The following ERBB4 variants were observed in gnomAD, a reference collection of about 807,000 sequenced individuals.
ERBB4 encodes receptor tyrosine-protein kinase erbB-4.
A neutral mutation model predicts 158.0 loss-of-function variants in ERBB4; 42 were observed. The observed-to-expected ratio is 0.27, with a 90% CI of 0.21 to 0.34. ERBB4 has a LOEUF of 0.34. Among genes scored for constraint, ERBB4 ranks in the 10% least tolerant of loss-of-function variants. The pLI, the probability that ERBB4 is intolerant of heterozygous loss-of-function variation, is 1.00. For missense variants in ERBB4, 1,333 were observed against 1,624.1 expected (o/e 0.82, Z 3.08); for synonymous variants, 583 against 558.7 (o/e 1.04, Z -0.61).
intron 5 of ERBB4, among the ~76,000 whole-genome samples, chr2:211,734,341 G>A (rs1327722675): frequency 1.3e-5 from 2 of 152,042 alleles, no homozygotes; most frequent in African/African-American, 4.8e-5. Context: ...TGAGGGTGAA[G>A]AATTGGGCAA....
chr2:212,139,368 T>G (rs1214917285), intron 1 of ERBB4, among the ~76,000 whole-genome samples: 1 of 152,092 alleles, frequency 6.6e-6, no homozygotes, highest in Non-Finnish European at 1.5e-5. Context: ...TGCATTTTTA[T>G]GCTACAGTGT....
chr2:211,669,620 G>T (rs970508288), intron 14 of ERBB4, among the ~76,000 whole-genome samples: 2 of 152,148 alleles, frequency 1.3e-5, no homozygotes, highest in Non-Finnish European at 2.9e-5. Flanking sequence ...GGACAGACAA[G>T]GACATAAGCG....
At chr2:211,683,561 A>AATT (rs1303644736) in intron 12 of ERBB4, among the ~76,000 whole-genome samples, 1 of 152,098 alleles carries the variant, frequency 6.6e-6, no homozygotes, top group Non-Finnish European at 1.5e-5. Flanking sequence ...GGGTTACTAC[A>AATT]ATTTGTTTAT....
At chr2:211,779,590 T>C (rs2075983965) in intron 4 of ERBB4, 1 of 152,220 alleles carries the variant, frequency 6.6e-6, no homozygotes, top group African/African-American at 2.4e-5. Flanking sequence ...TATTATCTTA[T>C]CCATATGGTC....
At chr2:211,724,709 A>G (rs1161200514) in intron 6 of ERBB4, among the ~76,000 whole-genome samples, 1 of 152,228 alleles carries the variant, frequency 6.6e-6, no homozygotes, top group Non-Finnish European at 1.5e-5. Context: ...TGAAATTTAT[A>G]TTCAAGAAAT....
At chr2:211,565,195 A>G (rs1018566149) in intron 19 of ERBB4, among the ~76,000 whole-genome samples, 1 of 152,192 alleles carries the variant, frequency 6.6e-6, no homozygotes, top group African/African-American at 2.4e-5. Context: ...TAAACAGAAA[A>G]TCATACTTAC....
intron 1 of ERBB4, among the ~76,000 whole-genome samples, chr2:212,351,091 G>C (rs1161630881): frequency 1.3e-5 from 2 of 152,084 alleles, no homozygotes; most frequent in African/African-American, 4.8e-5. Context: ...GATTCTACTT[G>C]GAGTATGTAC....
chr2:211,482,116 C>T (rs2065097369), intron 20 of ERBB4, among the ~76,000 whole-genome samples: 1 of 152,142 alleles, frequency 6.6e-6, no homozygotes, highest in Admixed American at 6.5e-5. Flanking sequence ...GCAACAGAGA[C>T]ATAGAATAGG....
chr2:211,998,700 C>A (rs1035549910), intron 2 of ERBB4, among the ~76,000 whole-genome samples: 1 of 151,800 alleles, frequency 6.6e-6, no homozygotes, highest in Admixed American at 6.6e-5. Context: ...ATGTCAATGG[C>A]CAACCTCATA....
intron 3 of ERBB4, among the ~76,000 whole-genome samples, chr2:211,845,305 C>G (rs1276471715): frequency 6.6e-6 from 1 of 151,392 alleles, no homozygotes; most frequent in East Asian, 2.0e-4. Flanking sequence ...AAAAGCTGTT[C>G]CCTGGGTTAT....
chr2:211,691,216 C>T (rs2072802148), intron 12 of ERBB4, among the ~76,000 whole-genome samples: 1 of 152,044 alleles, frequency 6.6e-6, no homozygotes, highest in African/African-American at 2.4e-5. Context: ...TGTAATTACC[C>T]AGGTAGCCTT....
chr2:211,867,710 G>A (rs1194859067), intron 3 of ERBB4, among the ~76,000 whole-genome samples: 4 of 152,054 alleles, frequency 2.6e-5, no homozygotes, highest in African/African-American at 9.7e-5. Flanking sequence ...CTATAGGTGT[G>A]TATCTCCATG....
chr2:212,001,589 T>C (rs1460275455), intron 2 of ERBB4, among the ~76,000 whole-genome samples: 1 of 152,212 alleles, frequency 6.6e-6, no homozygotes, highest in African/African-American at 2.4e-5. Context: ...AACAGCTCAT[T>C]ACCACAGTTA....
At chr2:211,710,907 C>T (rs1418139311) in intron 9 of ERBB4, among the ~76,000 whole-genome samples, 1 of 151,910 alleles carries the variant, frequency 6.6e-6, no homozygotes, top group African/African-American at 2.4e-5. Context: ...TACCCAGTCT[C>T]GGGTGTGTCT....
At chr2:212,516,236 TAA>T (rs775484618) in intron 1 of ERBB4, among the ~76,000 whole-genome samples, 25 of 151,992 alleles carry the variant, frequency 1.6e-4, no homozygotes, top group Non-Finnish European at 3.2e-4. Flanking sequence ...TTCTAAGTGA[TAA>T]GATTACAAAT....
intron 1 of ERBB4, among the ~76,000 whole-genome samples, chr2:212,237,456 A>C (rs2083920243): frequency 6.6e-6 from 1 of 152,122 alleles, no homozygotes; most frequent in South Asian, 2.1e-4. Flanking sequence ...TGGAAGCTTC[A>C]TCCCAGAGGG....
At chr2:211,523,630 C>T (rs2066251777) in intron 20 of ERBB4, among the ~76,000 whole-genome samples, 1 of 151,694 alleles carries the variant, frequency 6.6e-6, no homozygotes, top group Non-Finnish European at 1.5e-5. Flanking sequence ...TGGAGTTGTT[C>T]GTTCCTCCCG....
At chr2:212,054,069 C>T (rs1196372861) in intron 2 of ERBB4, among the ~76,000 whole-genome samples, 1 of 152,064 alleles carries the variant, frequency 6.6e-6, no homozygotes, top group Admixed American at 6.6e-5. Flanking sequence ...AACCTCCTTC[C>T]CCTCCTCCTC....
At chr2:211,415,261 C>T (rs1311067196) in intron 25 of ERBB4, among the ~76,000 whole-genome samples, 1 of 151,802 alleles carries the variant, frequency 6.6e-6, no homozygotes, top group Non-Finnish European at 1.5e-5. Context: ...GGACCACAGG[C>T]GCCCGCCACC....
Sources: allele counts gnomAD v4.1 joint callset (sites outside exome capture counted in the v4.1 genomes callset), GRCh38; gene constraint gnomAD v4.1.1; transcripts MANE v1.5; gene names NCBI Gene and HGNC (gene_info 2026-07-23, HGNC 2026-07-21).